Variants in GOLM2 observed in about 807,000 individuals in gnomAD.
GOLM2 encodes the protein golgi membrane protein 2, also known as protein GOLM2.
A neutral mutation model predicts 55.9 loss-of-function variants in GOLM2; 26 were observed. That is an observed-to-expected ratio of 0.47 (90% CI 0.34 to 0.65). The LOEUF is 0.65. Ranked by LOEUF, GOLM2 falls within the 30% of genes least tolerant of loss-of-function variation. The probability of loss-of-function intolerance (pLI) is 0.01; values close to 1 mark genes in which losing one functional copy is unlikely to be tolerated. For synonymous variants in GOLM2, 165 were observed against 194.6 expected (o/e 0.85, Z 1.27); for missense variants, 486 against 531.8 (o/e 0.91, Z 0.85).
chr15:44,328,939 T>G (rs1278933121), intron 3 of GOLM2, 152 bp downstream of exon 3: 1 of 530,536 alleles, frequency 1.9e-6, no homozygotes, highest in Admixed American at 3.8e-5. Flanking sequence ...ATTATCTTTC[T>G]TTAGCTCTTT....
intron 2 of GOLM2, among the ~76,000 whole-genome samples, chr15:44,326,688 G>A (rs1220836238): frequency 7.5e-6 from 1 of 133,834 alleles, no homozygotes; most frequent in East Asian, 2.2e-4. Flanking sequence ...TTCTCGCTCT[G>A]TTGTCCAGGC....
At chr15:44,300,735 G>C (rs2078792035) in intron 1 of GOLM2, among the ~76,000 whole-genome samples, 1 of 152,214 alleles carries the variant, frequency 6.6e-6, no homozygotes, top group South Asian at 2.1e-4. Flanking sequence ...AGTTCCCCAT[G>C]TTAGCCTCTT....
intron 6 of GOLM2, among the ~76,000 whole-genome samples, chr15:44,370,996 G>T (rs915699402): frequency 6.6e-6 from 1 of 152,096 alleles, no homozygotes; most frequent in African/African-American, 2.4e-5. Flanking sequence ...AGCCCTATAG[G>T]AGGAGCTGTC....
In GOLM2 at chr15:44,414,279, C is replaced by T. The variant is rs2079658897; in HGVS notation, c.*873C>T. On this transcript the variant is annotated 3_prime_UTR_variant, in exon 10 of 10. Transcript: ENST00000299957. ...TACAGTATTGTGTAGAAAGTCACCT[C>T]CCTACTCCTTTTATTTTACATGAGT... The T allele has an allele frequency of 6.6e-6, 1 of 152,212 alleles. No individual in the cohort carries two copies. The highest frequency in any genetic ancestry group is 1.5e-5 in the Non-Finnish European group (1 of 68,050). The allele number at this position is 152,212 out of a possible 1,614,324, so 9.4% of individuals were successfully genotyped here.
intron 1 of GOLM2, among the ~76,000 whole-genome samples, chr15:44,317,020 C>T (rs2078914817): frequency 6.6e-6 from 1 of 152,022 alleles, no homozygotes; most frequent in South Asian, 2.1e-4. Context: ...ATTTCCCCAC[C>T]TCCATTAGAA....
Position 44,335,234 on chromosome 15 carries a change from A to G in GOLM2, c.577-2529A>G, listed in dbSNP as rs1427691959. ...GGTAGGTTAACAGGATTTTAACATT[A>G]GGGAAAACTGAGTAAGGGGTGATTA... On this transcript the variant is annotated intron_variant, in intron 4 of 9. Coordinates refer to ENST00000299957, the MANE Select transcript of GOLM2 (RefSeq NM_138423.4). Among the ~76,000 whole-genome samples, 3 of 152,164 alleles carry G rather than the reference A, an allele frequency of 2.0e-5. No individual in the cohort carries two copies. In the East Asian group the frequency reaches 5.8e-4, roughly 29 times the overall value.
chr15:44,303,131 A>C (rs2078811153), intron 1 of GOLM2, among the ~76,000 whole-genome samples: 2 of 151,210 alleles, frequency 1.3e-5, no homozygotes, highest in South Asian at 4.1e-4. Context: ...TAAATAAATA[A>C]ATAAATAAAT....
At chr15:44,412,185 A>G (rs528815038) in intron 9 of GOLM2, among the ~76,000 whole-genome samples, 2 of 152,254 alleles carry the variant, frequency 1.3e-5, no homozygotes, top group South Asian at 4.1e-4. Flanking sequence ...AAACAAACAA[A>G]CAAACAAAAA....
At chr15:44,387,065 C>T (rs2079451046) in intron 8 of GOLM2, among the ~76,000 whole-genome samples, 1 of 151,440 alleles carries the variant, frequency 6.6e-6, no homozygotes, top group Non-Finnish European at 1.5e-5. Flanking sequence ...GTCCCCGTTA[C>T]TTGGGAAGCT....
At chr15:44,375,795 G>A (rs967469255) in intron 6 of GOLM2, among the ~76,000 whole-genome samples, 2 of 152,044 alleles carry the variant, frequency 1.3e-5, no homozygotes, top group Non-Finnish European at 2.9e-5. Context: ...TTAAAAAAAT[G>A]AATGCTTATC....
At chr15:44,389,191 T>C (rs1474456485) in intron 8 of GOLM2, among the ~76,000 whole-genome samples, 1 of 152,196 alleles carries the variant, frequency 6.6e-6, no homozygotes, top group Non-Finnish European at 1.5e-5. Flanking sequence ...TTCTTTCATT[T>C]AACACTTGTC....
At chr15:44,394,978 G>A (rs566969000) in intron 8 of GOLM2, among the ~76,000 whole-genome samples, 6 of 151,934 alleles carry the variant, frequency 3.9e-5, no homozygotes, top group African/African-American at 1.4e-4. Context: ...TTACAATAGT[G>A]GTAATATATT....
At chr15:44,375,590 C>T (rs921912088) in intron 6 of GOLM2, among the ~76,000 whole-genome samples, 2 of 151,860 alleles carry the variant, frequency 1.3e-5, no homozygotes, top group African/African-American at 4.8e-5. Flanking sequence ...CCAGTCTGGA[C>T]AACATAGTGA....
intron 4 of GOLM2, among the ~76,000 whole-genome samples, chr15:44,337,265 A>G (rs922191840): frequency 6.6e-6 from 1 of 151,944 alleles, no homozygotes; most frequent in African/African-American, 2.4e-5. Flanking sequence ...TTGTCCTGCC[A>G]CTACTTGCTG....
At chr15:44,404,561 T>C (rs1469826057) in intron 9 of GOLM2, among the ~76,000 whole-genome samples, 2 of 152,200 alleles carry the variant, frequency 1.3e-5, no homozygotes, top group African/African-American at 4.8e-5. Flanking sequence ...TCATAAATTT[T>C]ATCATTTTTT....
At chr15:44,378,806 C>A (rs754301781) in intron 6 of GOLM2, among the ~76,000 whole-genome samples, 1 of 151,526 alleles carries the variant, frequency 6.6e-6, no homozygotes, top group Non-Finnish European at 1.5e-5. Context: ...AGTGCAATGG[C>A]GCGATCTCAG....
chr15:44,353,578 T>C (rs753728487), intron 6 of GOLM2, among the ~76,000 whole-genome samples: 6 of 152,192 alleles, frequency 3.9e-5, no homozygotes, highest in Admixed American at 6.5e-5. Context: ...TATATACACA[T>C]TGGAGTACTA....
chr15:44,308,773 A>G (rs971912433), intron 1 of GOLM2, among the ~76,000 whole-genome samples: 3 of 152,174 alleles, frequency 2.0e-5, no homozygotes. Context: ...CAACAAAACT[A>G]AAAATTGACA....
chr15:44,379,593 G>A, intron 6 of GOLM2, 97 bp from the exon 7 acceptor site: 1 of 696,304 alleles, frequency 1.4e-6, no homozygotes, highest in Non-Finnish European at 2.5e-6. Context: ...CATAGAATTA[G>A]TGCAATGTAA....
Sources: gnomAD v4.1 joint callset for allele counts (sites outside exome capture counted in the v4.1 genomes callset) on GRCh38, gnomAD v4.1.1 for gene constraint, MANE v1.5 for transcripts, NCBI Gene and HGNC (gene_info 2026-07-23, HGNC 2026-07-21) for gene names.